FRMD4B: variants seen among roughly 807,000 people sequenced by gnomAD.
FRMD4B encodes FERM domain-containing protein 4B.
Under a neutral mutation model 141.5 loss-of-function variants are expected in FRMD4B, and 74 were observed. The observed-to-expected ratio is 0.52, with a 90% CI of 0.43 to 0.63. FRMD4B has a LOEUF of 0.63. FRMD4B is among the 30% of genes least tolerant of loss of function. FRMD4B has a pLI of 0.00. For synonymous variants in FRMD4B, 506 were observed against 467.9 expected (o/e 1.08, Z -1.05); for missense variants, 1,366 against 1,253.4 (o/e 1.09, Z -1.36).
At chr3:69,488,213 G>T (rs1429366282) in intron 1 of FRMD4B, among the ~76,000 whole-genome samples, 1 of 152,170 alleles carries the variant, frequency 6.6e-6, no homozygotes, top group Non-Finnish European at 1.5e-5. Flanking sequence ...TTGCCTGAAG[G>T]CTCTTTCCAG....
chr3:69,255,399 G>T (rs1391708844), intron 5 of FRMD4B, among the ~76,000 whole-genome samples: 1 of 152,044 alleles, frequency 6.6e-6, no homozygotes, highest in Non-Finnish European at 1.5e-5. Flanking sequence ...TTTGAAGCCG[G>T]GTCCAGTGAG....
intron 2 of FRMD4B, among the ~76,000 whole-genome samples, chr3:69,403,560 T>C (rs1704602664): frequency 6.6e-6 from 1 of 152,176 alleles, no homozygotes; most frequent in South Asian, 2.1e-4. Context: ...CCGTTGCTAC[T>C]AAACCCTGAG....
chr3:69,441,158 A>G (rs897347707), intron 1 of FRMD4B, among the ~76,000 whole-genome samples: 44 of 152,174 alleles, frequency 2.9e-4, no homozygotes, highest in Non-Finnish European at 5.9e-4. Context: ...TTTGAACTCC[A>G]TACTGGAGCA....
At chr3:69,279,301 C>A (rs537717215) in intron 5 of FRMD4B, among the ~76,000 whole-genome samples, 1 of 152,256 alleles carries the variant, frequency 6.6e-6, no homozygotes, top group Admixed American at 6.5e-5. Context: ...CTGATCACTC[C>A]AGTACTAATA....
At chr3:69,286,361 C>T (rs1419918371) in intron 5 of FRMD4B, among the ~76,000 whole-genome samples, 2 of 152,122 alleles carry the variant, frequency 1.3e-5, no homozygotes, top group Non-Finnish European at 2.9e-5. Context: ...TGACATCAAT[C>T]GCATAAAGGC....
In FRMD4B at chr3:69,221,269, A is replaced by G. The variant is rs972713851; in HGVS notation, c.731+589T>C. 3.3e-5 allele frequency among the ~76,000 whole-genome samples: 5 copies of G among 152,068 alleles called. No individual in the cohort carries two copies. In the East Asian group the frequency reaches 9.7e-4, roughly 29 times the overall value. ...TGAGCCACTGTGCTGGCCTGTTCTT[A>G]ATAATGGGTGGTAACTCTATAAGTC... On this transcript the variant is annotated intron_variant, in intron 9 of 22. Transcript: ENST00000398540.
intron 1 of FRMD4B, among the ~76,000 whole-genome samples, chr3:69,375,126 T>C (rs1037032575): frequency 7.0e-6 from 1 of 142,172 alleles, no homozygotes; most frequent in Non-Finnish European, 1.5e-5. Flanking sequence ...CCATCCAACA[T>C]CCATCCATCT....
chr3:69,212,372 AAAAAAAAAGAAAAAAAAAAAG>A lies in FRMD4B; in HGVS notation c.876+3870_876+3890del, dbSNP rs1559721453. On this transcript the variant is annotated intron_variant, in intron 11 of 22. Coordinates refer to ENST00000398540, the MANE Select transcript of FRMD4B (RefSeq NM_015123.3). ...GAAACCCCGTCTCAAAAAAAAAAAA[AAAAAAAAAGAAAAAAAAAAAG>A]AAAAAAAAGAAAAAAAGCGATAACA... Among the ~76,000 whole-genome samples, 207 of 90,186 alleles carry A rather than the reference AAAAAAAAAGAAAAAAAAAAAG, an allele frequency of 2.3e-3. 1 individual carries two copies. The highest frequency in any genetic ancestry group is 2.8e-3 in the African/African-American group (69 of 24,788). 59.2% of individuals were successfully genotyped at this position (90,186 alleles called of 152,430 possible).
intron 2 of FRMD4B, among the ~76,000 whole-genome samples, chr3:69,398,561 C>T (rs1453726966): frequency 2.0e-5 from 3 of 152,210 alleles, no homozygotes; most frequent in Non-Finnish European, 4.4e-5. Context: ...CACATGCAAT[C>T]ATACAAAAGC....
intron 1 of FRMD4B, among the ~76,000 whole-genome samples, chr3:69,447,229 C>G (rs888525178): frequency 1.3e-5 from 2 of 152,124 alleles, no homozygotes; most frequent in African/African-American, 4.8e-5. Context: ...CTCATCATCT[C>G]TTTTGTTTCT....
chr3:69,383,474 T>G (rs934042664), intron 1 of FRMD4B, among the ~76,000 whole-genome samples: 6 of 152,246 alleles, frequency 3.9e-5, no homozygotes, highest in African/African-American at 1.4e-4. Context: ...ACATATTAGA[T>G]GTACATAGTT....
intron 1 of FRMD4B, among the ~76,000 whole-genome samples, chr3:69,332,049 T>C (rs1248475731): frequency 6.6e-6 from 1 of 152,110 alleles, no homozygotes; most frequent in Non-Finnish European, 1.5e-5. Flanking sequence ...ATCACGCCAC[T>C]GCATTCCAGC....
intron 4 of FRMD4B, among the ~76,000 whole-genome samples, chr3:69,295,510 CAG>C (rs1432446181): frequency 1.3e-5 from 2 of 152,066 alleles, no homozygotes; most frequent in Admixed American, 6.6e-5. Context: ...TTTGTAGAGA[CAG>C]AGTTTCGCCA....
At position 69,277,378 on chromosome 3, in the gene FRMD4B, T is replaced by C. The variant is rs533124285; in HGVS notation, c.501+10374A>G. On this transcript the variant is annotated intron_variant, in intron 5 of 22. Coordinates refer to ENST00000398540, the MANE Select transcript of FRMD4B (RefSeq NM_015123.3). ...TTCCAAAGATGTTTTATTTAAAGAA[T>C]CAAAATAAACCTAGGTTTTATCGTG... Among the ~76,000 whole-genome samples, 83 of 152,200 alleles carry C rather than the reference T, an allele frequency of 5.5e-4. No individual in the cohort carries two copies. The South Asian group carries it at 0.012, about 21-fold the overall frequency.
In FRMD4B at chr3:69,443,103, G is replaced by C. The variant is rs118112155; in HGVS notation, c.-128-10342C>G. Among the ~76,000 whole-genome samples, 309 of 152,288 alleles carry C rather than the reference G, an allele frequency of 2.0e-3. 4 individuals are homozygous for C. The East Asian group carries it at 0.027, about 13-fold the overall frequency. ...GCTTCAGGGTGGGGGCTGGTTGCCA[G>C]AGGAACCAACCATGTGATTACAGGG... On this transcript the variant is annotated intron_variant, in intron 1 of 5. Coordinates refer to the FRMD4B transcript ENST00000459638.
At chr3:69,540,654 TATATATAC>T (rs1265831365) in intron 1 of FRMD4B, among the ~76,000 whole-genome samples, 17 of 78,228 alleles carry the variant, frequency 2.2e-4, no homozygotes, top group Non-Finnish European at 3.0e-4. Context: ...TATATATATA[TATATATAC>T]ACACACACAC....
At chr3:69,352,478 C>T (rs1338924382) in intron 1 of FRMD4B, among the ~76,000 whole-genome samples, 1 of 152,156 alleles carries the variant, frequency 6.6e-6, no homozygotes, top group Non-Finnish European at 1.5e-5. Flanking sequence ...TGCCCACTTC[C>T]TCTACAGACT....
intron 1 of FRMD4B, among the ~76,000 whole-genome samples, chr3:69,470,709 G>C (rs1575813769): frequency 1.3e-5 from 2 of 152,230 alleles, no homozygotes; most frequent in Middle Eastern, 6.8e-3. Context: ...AGCAGTTTCA[G>C]TAACCAGGCT....
intron 1 of FRMD4B, among the ~76,000 whole-genome samples, chr3:69,377,977 A>ATTTTT: frequency 7.2e-6 from 1 of 139,858 alleles, no homozygotes; most frequent in Non-Finnish European, 1.5e-5. Context: ...CACTTGGCTA[A>ATTTTT]TTTTTTTTTT....
Sources: gnomAD v4.1 joint callset for allele counts (sites outside exome capture counted in the v4.1 genomes callset) on GRCh38, gnomAD v4.1.1 for gene constraint, MANE v1.5 for transcripts, NCBI Gene and HGNC (gene_info 2026-07-23, HGNC 2026-07-21) for gene names.